Variants in ZNF131 observed in about 807,000 individuals in gnomAD.
ZNF131 encodes zinc finger protein 131.
In ZNF131, 7 loss-of-function variants were observed where a neutral mutation model predicts 60.0. That is an observed-to-expected ratio of 0.12 (90% CI 0.07 to 0.22). ZNF131 has a LOEUF of 0.22. Ranked by LOEUF, ZNF131 falls within the 10% of genes least tolerant of loss-of-function variation. The pLI is 1.00. For missense variants in ZNF131, 493 were observed against 740.9 expected, an observed-to-expected ratio of 0.67 and a Z score of 3.88; for synonymous variants, 257 against 253.2, an observed-to-expected ratio of 1.01 and a Z score of -0.14.
At chr5:43,159,008 C>G (rs1381193922) in intron 4 of ZNF131, among the ~76,000 whole-genome samples, 1 of 152,194 alleles carries the variant, frequency 6.6e-6, no homozygotes, top group East Asian at 1.9e-4. Flanking sequence ...CCTTATTACT[C>G]TCTACATAGC....
chr5:43,164,578 G>A lies in ZNF131; in HGVS notation c.1054+2647G>A, dbSNP rs138142795. 4.8e-3 allele frequency among the ~76,000 whole-genome samples: 736 copies of A among 152,294 alleles called. 3 individuals are homozygous for A. The highest frequency in any genetic ancestry group is 0.017 in the African/African-American group (711 of 41,562). ...ATAATCAGTAGCTTTTATAGCCTAT[G>A]AATGTGAAAGTAGCCGCAGTTACCT... On this transcript the variant is annotated intron_variant, in intron 5 of 6. Coordinates refer to ENST00000682664, the MANE Select transcript of ZNF131 (RefSeq NM_001330707.2).
chr5:43,143,689 G>C (rs1211998521), intron 4 of ZNF131, among the ~76,000 whole-genome samples: 3 of 152,078 alleles, frequency 2.0e-5, no homozygotes, highest in East Asian at 1.9e-4. Flanking sequence ...TCTTAAACCA[G>C]TAAGTCTCCA....
Position 43,175,424 on chromosome 5 carries a change from G to A in ZNF131, c.*291G>A, listed in dbSNP as rs1213794075. 1 of 695,910 alleles carries A rather than the reference G, an allele frequency of 1.4e-6. No individual in the cohort carries two copies. The highest frequency in any genetic ancestry group is 1.5e-5 in the South Asian group (1 of 65,864). The allele number at this position is 695,910 out of a possible 1,614,324, so 43.1% of individuals were successfully genotyped here. The stretch of plus-strand genomic sequence containing the variant: ...GGGTACGAATGTATCTATTTTCATT[G>A]TGGTAAAAGTTCTTCCTTTTCTCTT... On this transcript the variant is annotated 3_prime_UTR_variant, in exon 7 of 7. Transcript: ENST00000682664.
chr5:43,147,293 T>C (rs1747720516), intron 4 of ZNF131, among the ~76,000 whole-genome samples: 1 of 152,180 alleles, frequency 6.6e-6, no homozygotes, highest in South Asian at 2.1e-4. Context: ...AGTGGATATA[T>C]GCTTTCATTT....
chr5:43,161,959 T>A, intron 5 of ZNF131, 28 bp downstream of exon 5: 2 of 1,535,772 alleles, frequency 1.3e-6, no homozygotes, highest in Non-Finnish European at 1.7e-6. Flanking sequence ...TGTTAAAATT[T>A]TTTTTTCCCA....
intron 5 of ZNF131, among the ~76,000 whole-genome samples, chr5:43,167,500 G>T (rs1219234519): frequency 6.6e-6 from 1 of 152,012 alleles, no homozygotes; most frequent in African/African-American, 2.4e-5. Context: ...TTCTCAAAAC[G>T]TATATACCCC....
chr5:43,161,168 T>C (rs956526249), intron 4 of ZNF131, 81 bp from the exon 5 acceptor site: 1 of 1,256,496 alleles, frequency 8.0e-7, no homozygotes, highest in East Asian at 2.3e-5. Context: ...ATAAATTTTA[T>C]TGCCACTTTA....
At chr5:43,122,875 G>T (rs1365710345) in intron 2 of ZNF131, among the ~76,000 whole-genome samples, 2 of 152,092 alleles carry the variant, frequency 1.3e-5, no homozygotes, top group Non-Finnish European at 2.9e-5. Flanking sequence ...CTTTTGGGTT[G>T]TCCTTTTATT....
chr5:43,158,451 G>T (rs936122705), intron 4 of ZNF131, among the ~76,000 whole-genome samples: 1 of 150,548 alleles, frequency 6.6e-6, no homozygotes, highest in Non-Finnish European at 1.5e-5. Flanking sequence ...CACCATGCCC[G>T]GCTAATTTTT....
chr5:43,175,217 A>T lies in ZNF131; in HGVS notation c.*84A>T. The T allele has an allele frequency of 7.3e-7, 1 of 1,367,840 alleles. No homozygotes were observed. 84.7% of individuals were successfully genotyped at this position (1,367,840 alleles called of 1,614,324 possible). ...AGTTTGACTGTCCTTAATTAAGCCT[A>T]ACAGACAAGTGGACCAAAGTTAAGC... On this transcript the variant is annotated 3_prime_UTR_variant, in exon 7 of 7. Transcript: ENST00000682664.
chr5:43,132,505 C>CTTTTT (rs4050538), intron 3 of ZNF131, among the ~76,000 whole-genome samples: 16 of 93,496 alleles, frequency 1.7e-4, no homozygotes, highest in African/African-American at 4.2e-4. Flanking sequence ...GAATGGTATT[C>CTTTTT]TTTTTTTTTT....
At chr5:43,172,091 T>A (rs918339010) in intron 5 of ZNF131, among the ~76,000 whole-genome samples, 3 of 152,252 alleles carry the variant, frequency 2.0e-5, no homozygotes, top group Non-Finnish European at 4.4e-5. Context: ...CTGTTTTCAT[T>A]GTCATCCTTC....
At chr5:43,122,219 GT>G (rs1027243671) in intron 2 of ZNF131, 42 bp downstream of exon 2, 2 of 1,172,982 alleles carry the variant, frequency 1.7e-6, no homozygotes, top group African/African-American at 1.7e-5. Flanking sequence ...TTTGGCTTCA[GT>G]TTTTTTCTGT....
chr5:43,143,352 A>T, intron 4 of ZNF131: 1 of 1,314,072 alleles, frequency 7.6e-7, no homozygotes, highest in Non-Finnish European at 9.7e-7. Context: ...GTGATCCAGG[A>T]TGGATTTTAG....
At chr5:43,131,934 G>A (rs149395231) in intron 3 of ZNF131, among the ~76,000 whole-genome samples, 40 of 152,256 alleles carry the variant, frequency 2.6e-4, no homozygotes, top group Middle Eastern at 6.8e-3. Flanking sequence ...TATCCTGTTA[G>A]TATTCTATTT....
chr5:43,136,513 G>A (rs966597022), intron 3 of ZNF131, among the ~76,000 whole-genome samples: 5 of 103,618 alleles, frequency 4.8e-5, no homozygotes, highest in African/African-American at 1.9e-4. Flanking sequence ...TTTTGAGGTA[G>A]TCTTACTGTG....
rs550920312 is a variant in ZNF131 at position 43,121,860 on chromosome 5, G to A, written c.-15-179G>A. 4.7e-4 allele frequency: 270 copies of A among 570,526 alleles called. 2 individuals carry two copies. Among genetic ancestry groups the A allele is most frequent in the African/African-American group, 4.4e-3 (224 of 50,764 alleles). The allele number at this position is 570,526 out of a possible 1,614,324, so 35.3% of individuals were successfully genotyped here. A position where few individuals can be genotyped will look rare whatever the true frequency, so the allele number is the denominator to read the frequency against. ...CTCGGAGTCCCGCGGCCGCGGCTCC[G>A]GTCTCAACGCTCCGGGGCCGCTCGG... On this transcript the variant is annotated intron_variant, in intron 1 of 6. Transcript: ENST00000682664.
rs1429713749 is a variant in ZNF131 at position 43,161,758 on chromosome 5, A to G, written c.881A>G (p.Asn294Ser). ...GAGAGTTTCAAGTGTGAAATATGCA[A>G]TAAACGATATCTTCGAGAGAGCGCA... is the stretch of plus-strand genomic sequence containing the variant. ...STESFKCEIC[N>S]KRYLRESAWK... The change falls in exon 5 of 7, where the codon AAT becomes AGT. Residue 294 changes from asparagine to serine, a missense_variant. Physicochemically the swap from Asn to Ser is conservative, Grantham distance 46. Coordinates refer to ENST00000682664, the MANE Select transcript of ZNF131 (RefSeq NM_001330707.2). 3.7e-6 allele frequency: 6 copies of G among 1,614,274 alleles called. No homozygotes were observed. Among genetic ancestry groups the G allele is most frequent in the Non-Finnish European group, 5.1e-6 (6 of 1,180,048 alleles).
At chr5:43,163,958 G>A (rs11744749) in intron 5 of ZNF131, among the ~76,000 whole-genome samples, 8,033 of 152,218 alleles carry the variant, frequency 0.053, 316 homozygotes, top group South Asian at 0.13. Context: ...CAAACTTACT[G>A]TCAGTATTCG....
Sources: gnomAD v4.1 joint callset for allele counts (sites outside exome capture counted in the v4.1 genomes callset) on GRCh38, gnomAD v4.1.1 for gene constraint, MANE v1.5 for transcripts, NCBI Gene and HGNC (gene_info 2026-07-23, HGNC 2026-07-21) for gene names.